The following ALG13 variants were observed in gnomAD, a reference collection of about 807,000 sequenced individuals.
ALG13 encodes the protein UDP-N-acetylglucosamine transferase subunit ALG13.
In ALG13, 11 loss-of-function variants were observed where a neutral mutation model predicts 87.8. That is an observed-to-expected ratio of 0.13 (90% CI 0.08 to 0.21). ALG13 has a LOEUF of 0.21. Among genes scored for constraint, ALG13 ranks in the 10% least tolerant of loss-of-function variants. The probability of loss-of-function intolerance (pLI) is 1.00; values close to 1 mark genes in which losing one functional copy is unlikely to be tolerated. For synonymous variants in ALG13, 320 were observed against 306.3 expected (o/e 1.04, Z -0.47); for missense variants, 756 against 866.1 (o/e 0.87, Z 1.60).
intron 24 of ALG13, among the ~76,000 whole-genome samples, chrX:111,746,893 T>TA (rs926780294): frequency 3.6e-5 from 4 of 111,697 alleles, no homozygotes; most frequent in Non-Finnish European, 7.5e-5. Flanking sequence ...GATCATGTTG[T>TA]AAAAAAATCT....
At chrX:111,710,189 C>G (rs767372180) in intron 5 of ALG13, among the ~76,000 whole-genome samples, 28 of 110,106 alleles carry the variant, frequency 2.5e-4, no homozygotes, top group African/African-American at 5.6e-4. Flanking sequence ...CGCCACCTCA[C>G]TGGGCTAAGT....
At chrX:111,737,002 C>A in intron 23 of ALG13, 123 bp downstream of exon 23, 1 of 598,995 alleles carries the variant, frequency 1.7e-6, no homozygotes, top group Non-Finnish European at 2.4e-6. Context: ...ATTTAACCTA[C>A]TTAATTATGT....
chrX:111,739,440 C>T (rs929871804), intron 23 of ALG13, among the ~76,000 whole-genome samples: 5 of 112,098 alleles, frequency 4.5e-5, no homozygotes, highest in African/African-American at 1.3e-4. Flanking sequence ...CTTGAAACAG[C>T]ACCCTGAATA....
chrX:111,727,837 C>T, intron 18 of ALG13, 67 bp downstream of exon 18: 1 of 1,014,923 alleles, frequency 9.9e-7, no homozygotes, highest in Non-Finnish European at 1.3e-6. Flanking sequence ...GAAGTAAAGG[C>T]AATGTGGATA....
chrX:111,733,110 A>C (rs1487908641), intron 21 of ALG13, among the ~76,000 whole-genome samples: 1 of 111,313 alleles, frequency 9.0e-6, no homozygotes, highest in Non-Finnish European at 1.9e-5. Context: ...AATTATCAGC[A>C]TACATTAAAA....
intron 2 of ALG13, among the ~76,000 whole-genome samples, chrX:111,684,479 T>A (rs1377916195): frequency 9.0e-6 from 1 of 110,566 alleles, no homozygotes; most frequent in African/African-American, 3.3e-5. Flanking sequence ...CATGCCTTAT[T>A]GTTTTTGTTT....
intron 3 of ALG13, chrX:111,689,202 G>A: frequency 1.3e-6 from 1 of 747,838 alleles, no homozygotes; most frequent in Non-Finnish European, 1.6e-6. Flanking sequence ...TAAAAAGTGA[G>A]TAATCTGGTT....
At chrX:111,711,818 C>T in intron 6 of ALG13, 93 bp downstream of exon 6, 2 of 886,059 alleles carry the variant, frequency 2.3e-6, no homozygotes. Context: ...AGCCAGACCC[C>T]AAATATTTTA....
intron 3 of ALG13, among the ~76,000 whole-genome samples, chrX:111,697,356 G>T (rs776916319): frequency 9.0e-6 from 1 of 111,530 alleles, no homozygotes; most frequent in South Asian, 3.8e-4. Flanking sequence ...TCTCTTTTTA[G>T]GAATATGTTG....
At chrX:111,725,113 T>C (rs918579855) in intron 15 of ALG13, 52 bp downstream of exon 15, 50 of 1,175,599 alleles carry the variant, frequency 4.3e-5, no homozygotes, top group Non-Finnish European at 5.7e-5. Flanking sequence ...TACCTGCTTT[T>C]ACTTACCTGC....
chrX:111,757,312 A>G (rs1200271935), intron 25 of ALG13: 3 of 238,119 alleles, frequency 1.3e-5, no homozygotes, highest in Non-Finnish European at 2.2e-5. Flanking sequence ...GCTTTTAAAA[A>G]TACTATAAAA....
chrX:111,724,869 C>T (rs1472619347), intron 14 of ALG13, 65 bp from the exon 15 acceptor site: 27 of 1,103,011 alleles, frequency 2.4e-5, no homozygotes, highest in Admixed American at 9.2e-5. Flanking sequence ...GGGTGGGATA[C>T]GTGTATTGAA....
intron 3 of ALG13, among the ~76,000 whole-genome samples, chrX:111,694,460 CTG>C (rs1354065699): frequency 1.8e-5 from 2 of 112,520 alleles, no homozygotes; most frequent in Non-Finnish European, 3.8e-5. Context: ...AACTCAGTAT[CTG>C]TAACCCATAA....
rs1227669878 is a variant in ALG13, at chrX:111,760,041, C to T, written c.*42C>T. The T allele has an allele frequency of 8.6e-7, 1 of 1,164,422 alleles. No homozygotes were observed. The highest frequency in any genetic ancestry group is 1.8e-5 in the African/African-American group (1 of 55,705). ...GTATTCTTGCACTGCCATTTTCTTG[C>T]TGTTTTTGTTTTTAAAAAGTATTTT... On this transcript the variant is annotated 3_prime_UTR_variant, in exon 27 of 27. Coordinates refer to ENST00000394780, the MANE Select transcript of ALG13 (RefSeq NM_001099922.3).
chrX:111,760,565 TGTAA>T lies in ALG13; in HGVS notation c.*569_*572del, dbSNP rs1313964347. On this transcript the variant is annotated 3_prime_UTR_variant, in exon 27 of 27. Transcript: ENST00000394780. ...ATGCTATTGTTTAATACTGGATGTATGTAAGTGTTTTACTGCACTGTATTGAATT... is the reference window on the plus strand; with the variant it reads ...ATGCTATTGTTTAATACTGGATGTATGTGTTTTACTGCACTGTATTGAATT... 1 of 113,448 alleles carries T rather than the reference TGTAA, an allele frequency of 8.8e-6. No individual in the cohort carries two copies. Among genetic ancestry groups the T allele is most frequent in the Non-Finnish European group, 1.9e-5 (1 of 53,749 alleles). 9.3% of individuals were successfully genotyped at this position (113,448 alleles called of 1,213,427 possible).
In ALG13 at chrX:111,760,027, C is replaced by T; in HGVS notation, c.*28C>T. On this transcript the variant is annotated 3_prime_UTR_variant, in exon 27 of 27. Transcript: ENST00000394780. Reference sequence around the variant, plus strand: ...TCCAGCAGTATGAAGTATTCTTGCACTGCCATTTTCTTGCTGTTTTTGTTT... The same window carrying T: ...TCCAGCAGTATGAAGTATTCTTGCATTGCCATTTTCTTGCTGTTTTTGTTT... 2 of 1,180,016 alleles carry T rather than the reference C, an allele frequency of 1.7e-6. No homozygotes were observed. The highest frequency in any genetic ancestry group is 2.3e-6 in the Non-Finnish European group (2 of 879,442).
At chrX:111,719,039 T>G (rs1376051383) in intron 10 of ALG13, among the ~76,000 whole-genome samples, 6 of 102,619 alleles carry the variant, frequency 5.8e-5, no homozygotes, top group African/African-American at 2.2e-4. Context: ...TTTTTTTTTT[T>G]TTTTTGAGAC....
intron 23 of ALG13, among the ~76,000 whole-genome samples, chrX:111,739,147 G>A (rs1943531150): frequency 1.8e-5 from 2 of 112,051 alleles, no homozygotes; most frequent in African/African-American, 6.5e-5. Flanking sequence ...CAGGAAACTT[G>A]CAATCATGGC....
intron 3 of ALG13, among the ~76,000 whole-genome samples, chrX:111,692,006 CA>C (rs1361173865): frequency 9.0e-6 from 1 of 111,668 alleles, no homozygotes; most frequent in Non-Finnish European, 1.9e-5. Flanking sequence ...CTGTATCTCC[CA>C]ACTCTGATTT....
Sources: allele counts gnomAD v4.1 joint callset (sites outside exome capture counted in the v4.1 genomes callset), GRCh38; gene constraint gnomAD v4.1.1; transcripts MANE v1.5; gene names NCBI Gene and HGNC (gene_info 2026-07-23, HGNC 2026-07-21).